MYO16: variants seen among roughly 807,000 people sequenced by gnomAD.
MYO16 encodes myosin XVI, also known as unconventional myosin-XVI.
MYO16 carries 94 observed loss-of-function variants against 205.3 expected under a neutral mutation model. The ratio of observed to expected loss-of-function variants is 0.46; its 90% CI spans 0.39 to 0.54. MYO16 has a LOEUF of 0.54. Among genes scored for constraint, MYO16 ranks in the 20% least tolerant of loss-of-function variants. The pLI, the probability that MYO16 is intolerant of heterozygous loss-of-function variation, is 0.00. For missense variants in MYO16, 2,315 were observed against 2,387.5 expected (o/e 0.97, Z 0.63); for synonymous variants, 988 against 954.0 (o/e 1.04, Z -0.66).
chr13:109,023,714 A>AATATATGTATATATGCATATATACAT (rs1566468443), intron 23 of MYO16, among the ~76,000 whole-genome samples: 6 of 56,474 alleles, frequency 1.1e-4, no homozygotes, highest in Admixed American at 4.1e-4. Flanking sequence ...TATATATACA[A>AATATATGTATATATGCATATATACAT]ATATATGTAT....
At chr13:109,176,982 T>G (rs1394635520) in intron 33 of MYO16, among the ~76,000 whole-genome samples, 2 of 152,258 alleles carry the variant, frequency 1.3e-5, no homozygotes, top group African/African-American at 4.8e-5. Context: ...GTGTCACTTC[T>G]CTTCTGGGAA....
At chr13:108,803,021 T>A (rs1463387871) in intron 6 of MYO16, among the ~76,000 whole-genome samples, 1 of 152,236 alleles carries the variant, frequency 6.6e-6, no homozygotes, top group African/African-American at 2.4e-5. Flanking sequence ...GCGAAGCATT[T>A]ATCTAGAAAG....
intron 1 of MYO16, among the ~76,000 whole-genome samples, chr13:108,623,490 G>A (rs907565854): frequency 6.6e-6 from 1 of 152,048 alleles, no homozygotes; most frequent in Non-Finnish European, 1.5e-5. Flanking sequence ...TTTTAATGGC[G>A]CCTTCATGGG....
chr13:108,555,881 C>G, the MYO16 span, among the ~76,000 whole-genome samples: 1 of 152,086 alleles, frequency 6.6e-6, no homozygotes, highest in Non-Finnish European at 1.5e-5. Flanking sequence ...ATTTCACTTA[C>G]CATAATGTGG....
At chr13:108,952,126 T>C (rs1177724359) in intron 16 of MYO16, among the ~76,000 whole-genome samples, 1 of 148,934 alleles carries the variant, frequency 6.7e-6, no homozygotes, top group Non-Finnish European at 1.5e-5. Context: ...AATAAATAAA[T>C]AAATAAATAA....
chr13:108,845,822 T>C (rs1368859692), intron 10 of MYO16, among the ~76,000 whole-genome samples: 1 of 152,150 alleles, frequency 6.6e-6, no homozygotes, highest in African/African-American at 2.4e-5. Context: ...GCTCTAGTGA[T>C]GCTTCTGCCT....
upstream of MYO16, among the ~76,000 whole-genome samples, chr13:108,628,572 C>T (rs781120012): frequency 6.6e-6 from 1 of 152,140 alleles, no homozygotes; most frequent in Non-Finnish European, 1.5e-5. Flanking sequence ...TGACATCAGG[C>T]TGTTCTGTGC....
the MYO16 span, among the ~76,000 whole-genome samples, chr13:108,496,327 C>A: frequency 2.0e-5 from 3 of 152,314 alleles, no homozygotes; most frequent in African/African-American, 7.2e-5. Context: ...GGCGTGGTCA[C>A]CTACACAACC....
chr13:108,772,471 G>A (rs909570549), intron 4 of MYO16, among the ~76,000 whole-genome samples: 9 of 152,290 alleles, frequency 5.9e-5, no homozygotes, highest in African/African-American at 1.4e-4. Flanking sequence ...ATTCTCACAA[G>A]CATTTGGTGC....
chr13:108,639,110 C>A (rs1298177972), intron 1 of MYO16, among the ~76,000 whole-genome samples: 1 of 152,062 alleles, frequency 6.6e-6, no homozygotes, highest in Non-Finnish European at 1.5e-5. Flanking sequence ...TTTTCAAGAG[C>A]GAGTGATGTG....
intron 23 of MYO16, among the ~76,000 whole-genome samples, chr13:109,036,026 C>G (rs1167198345): frequency 1.3e-5 from 2 of 152,162 alleles, no homozygotes; most frequent in Non-Finnish European, 2.9e-5. Context: ...AATTATTAGC[C>G]ACATAGTAGG....
chr13:108,972,335 T>TAAATATATATATATAGCCATCTATATAA (rs574594950), intron 20 of MYO16, among the ~76,000 whole-genome samples: 4 of 24,634 alleles, frequency 1.6e-4, no homozygotes, highest in African/African-American at 4.1e-4. Context: ...GCCATCTATA[T>TAAATATATATATATAGCCATCTATATAA]ATATATATAT....
intron 2 of MYO16, among the ~76,000 whole-genome samples, chr13:108,671,694 C>T (rs538944853): frequency 6.6e-5 from 10 of 152,250 alleles, no homozygotes; most frequent in South Asian, 2.1e-4. Flanking sequence ...ACAGACTAAA[C>T]GGCTTACACA....
intron 16 of MYO16, among the ~76,000 whole-genome samples, chr13:108,914,251 A>G (rs983665202): frequency 2.0e-5 from 3 of 150,474 alleles, no homozygotes; most frequent in Non-Finnish European, 4.4e-5. Context: ...TATTTACTAT[A>G]TTATATGTAG....
At chr13:108,683,500 C>T (rs1383990757) in intron 2 of MYO16, among the ~76,000 whole-genome samples, 1 of 152,218 alleles carries the variant, frequency 6.6e-6, no homozygotes, top group African/African-American at 2.4e-5. Context: ...AGCGGGAAAT[C>T]TGTGTCTGAT....
the MYO16 span, among the ~76,000 whole-genome samples, chr13:108,527,405 C>A: frequency 6.6e-6 from 1 of 152,012 alleles, no homozygotes; most frequent in Admixed American, 6.6e-5. Context: ...AAGTGCATAC[C>A]TTGATTTAAC....
intron 28 of MYO16, among the ~76,000 whole-genome samples, chr13:109,105,760 C>G (rs1379420603): frequency 3.9e-5 from 6 of 152,170 alleles, no homozygotes; most frequent in Admixed American, 1.3e-4. Context: ...TCTGTTGTGT[C>G]TTTTATACCA....
chr13:109,135,248 A>G (rs1876719788), intron 31 of MYO16, among the ~76,000 whole-genome samples: 1 of 152,200 alleles, frequency 6.6e-6, no homozygotes, highest in African/African-American at 2.4e-5. Flanking sequence ...AGTTGTGAAC[A>G]AGAGCTGGAT....
intron 16 of MYO16, among the ~76,000 whole-genome samples, chr13:108,953,531 G>A (rs1322697956): frequency 2.0e-5 from 3 of 146,890 alleles, no homozygotes; most frequent in African/African-American, 7.5e-5. Flanking sequence ...TTTTTACTCT[G>A]TTTTACCGAT....
Sources: allele counts gnomAD v4.1 joint callset (sites outside exome capture counted in the v4.1 genomes callset), GRCh38; gene constraint gnomAD v4.1.1; transcripts MANE v1.5; gene names NCBI Gene and HGNC (gene_info 2026-07-23, HGNC 2026-07-21).